LYPD6: variants seen among roughly 807,000 people sequenced by gnomAD.
LYPD6 encodes the protein LY6/PLAUR domain containing 6, also known as ly6/PLAUR domain-containing protein 6.
A neutral mutation model predicts 22.7 loss-of-function variants in LYPD6; 15 were observed. That is an observed-to-expected ratio of 0.66 (90% CI 0.44 to 1.02). The LOEUF (loss-of-function observed/expected upper bound fraction) is 1.02, where lower values mean the gene tolerates loss of function less well. Ranked by LOEUF, LYPD6 falls within the 50% of genes least tolerant of loss-of-function variation. The pLI is 0.00. For synonymous variants in LYPD6, 72 were observed against 77.5 expected (o/e 0.93, Z 0.37); for missense variants, 189 against 208.4 (o/e 0.91, Z 0.57).
rs571685232 is a variant in LYPD6 at position 149,363,166 on chromosome 2, A to C, written c.-72+32444A>C. ...GTATGTTCTGAACCCCATCAACAGC[A>C]CTTACATGTAACATGCAGTTGGGCT... On this transcript the variant is annotated intron_variant, in intron 1 of 4. Coordinates refer to ENST00000334166, the MANE Select transcript of LYPD6 (RefSeq NM_194317.5). Among the ~76,000 whole-genome samples, 13 of 152,244 alleles carry C rather than the reference A, an allele frequency of 8.5e-5. No homozygotes were observed. The East Asian group carries it at 1.5e-3, about 18-fold the overall frequency.
intron 1 of LYPD6, among the ~76,000 whole-genome samples, chr2:149,390,413 G>A (rs972250154): frequency 6.6e-6 from 1 of 152,208 alleles, no homozygotes; most frequent in Non-Finnish European, 1.5e-5. Context: ...TAGGGGATAT[G>A]GGGAGGCCTG....
chr2:149,344,552 A>G (rs1359379513), intron 1 of LYPD6, among the ~76,000 whole-genome samples: 3 of 152,264 alleles, frequency 2.0e-5, no homozygotes, highest in East Asian at 1.9e-4. Context: ...GAGCTGTAAC[A>G]TAAAGATGAA....
At chr2:149,335,250 G>A (rs533532825) in intron 1 of LYPD6, among the ~76,000 whole-genome samples, 8 of 152,176 alleles carry the variant, frequency 5.3e-5, no homozygotes, top group African/African-American at 1.9e-4. Context: ...TATTGCCCCT[G>A]AAGACCTTCC....
At chr2:149,384,782 G>A (rs1682144180) in intron 1 of LYPD6, among the ~76,000 whole-genome samples, 1 of 151,898 alleles carries the variant, frequency 6.6e-6, no homozygotes, top group Non-Finnish European at 1.5e-5. Context: ...ACAGTGTGCA[G>A]GTTAGTTACA....
the LYPD6 span, among the ~76,000 whole-genome samples, chr2:149,481,986 C>G: frequency 2.0e-5 from 3 of 152,168 alleles, no homozygotes; most frequent in Non-Finnish European, 4.4e-5. Context: ...GAGCCTGGTT[C>G]CCAGCTGTGG....
At chr2:149,333,902 C>T (rs1277743059) in intron 1 of LYPD6, among the ~76,000 whole-genome samples, 1 of 151,906 alleles carries the variant, frequency 6.6e-6, no homozygotes, top group East Asian at 1.9e-4. Context: ...AGAGGGGACT[C>T]CAAAGAAGGA....
intron 1 of LYPD6, among the ~76,000 whole-genome samples, chr2:149,392,198 T>C: frequency 6.6e-6 from 1 of 152,134 alleles, no homozygotes; most frequent in Non-Finnish European, 1.5e-5. Context: ...TCTCCTGAAC[T>C]CATCTAACCC....
chr2:149,352,577 A>G (rs1681378117), intron 1 of LYPD6, among the ~76,000 whole-genome samples: 1 of 152,200 alleles, frequency 6.6e-6, no homozygotes, highest in South Asian at 2.1e-4. Context: ...TCATACTGGT[A>G]GAGCAGGGGT....
intron 1 of LYPD6, among the ~76,000 whole-genome samples, chr2:149,371,501 G>A (rs1681808744): frequency 6.6e-6 from 1 of 152,190 alleles, no homozygotes. Flanking sequence ...AAAGAGGATG[G>A]GATGATGGTG....
intron 3 of LYPD6, chr2:149,464,061 T>G (rs751900629): frequency 3.0e-5 from 12 of 403,296 alleles, no homozygotes; most frequent in African/African-American, 2.6e-4. Flanking sequence ...ATTATTAATA[T>G]TCCTTACAAA....
intron 2 of LYPD6, among the ~76,000 whole-genome samples, chr2:149,442,833 G>A (rs538249974): frequency 6.6e-6 from 1 of 152,142 alleles, no homozygotes; most frequent in African/African-American, 2.4e-5. Context: ...ATTAATCAGG[G>A]TGTGATTATT....
intron 1 of LYPD6, among the ~76,000 whole-genome samples, chr2:149,421,634 G>A (rs772913189): frequency 4.6e-5 from 7 of 151,936 alleles, no homozygotes; most frequent in South Asian, 2.1e-4. Flanking sequence ...CTCAATAAAC[G>A]TTAATTGTTG....
rs190041015 is a variant in LYPD6 at position 149,404,061 on chromosome 2, C to G, written c.-71-33577C>G. The stretch of plus-strand genomic sequence containing the variant: ...TAGTTGTAGATATGCGCCATTATTT[C>G]TGAAGGCTCTGTTCTGTTCCATTGA... On this transcript the variant is annotated intron_variant, in intron 1 of 4. Coordinates refer to ENST00000334166, the MANE Select transcript of LYPD6 (RefSeq NM_194317.5). Among the ~76,000 whole-genome samples the G allele has an allele frequency of 7.2e-5, 11 of 152,226 alleles. No individual in the cohort carries two copies. In the East Asian group the frequency reaches 2.1e-3, roughly 29 times the overall value.
intron 1 of LYPD6, among the ~76,000 whole-genome samples, chr2:149,424,844 C>A (rs921014176): frequency 6.6e-6 from 1 of 152,124 alleles, no homozygotes; most frequent in Non-Finnish European, 1.5e-5. Flanking sequence ...TACCCAGAAC[C>A]GATGCTTCTC....
At position 149,437,773 on chromosome 2, in the gene LYPD6, C is replaced by G. The variant is rs1288096537; in HGVS notation, c.65C>G (p.Ala22Gly). ...AGCCTGCTGGCGGATTGTCTGAAAGCTGCTCAGTCCCGAGACTTCACAGTG... is the reference window on the plus strand; with the variant it reads ...AGCCTGCTGGCGGATTGTCTGAAAGGTGCTCAGTCCCGAGACTTCACAGTG... ...LLSLLADCLK[A>G]AQSRDFTVKD... Residue 22 changes from alanine to glycine, a missense_variant, in exon 2 of 5, where the codon GCT (alanine) becomes GGT (glycine). Coordinates refer to ENST00000334166, the MANE Select transcript of LYPD6 (RefSeq NM_194317.5). 1.9e-6 allele frequency: 3 copies of G among 1,614,208 alleles called. No individual in the cohort carries two copies. The highest frequency in any genetic ancestry group is 4.5e-5 in the East Asian group (2 of 44,872).
At chr2:149,412,031 T>C (rs564889695) in intron 1 of LYPD6, among the ~76,000 whole-genome samples, 1 of 152,328 alleles carries the variant, frequency 6.6e-6, no homozygotes, top group East Asian at 1.9e-4. Flanking sequence ...TACCTCCTAT[T>C]ATCAGGTATT....
At chr2:149,432,921 A>G (rs1683349542) in intron 1 of LYPD6, among the ~76,000 whole-genome samples, 1 of 152,202 alleles carries the variant, frequency 6.6e-6, no homozygotes. Flanking sequence ...AGTCTGTCAA[A>G]CTCATTCTTT....
At chr2:149,392,418 C>T (rs1682331664) in intron 1 of LYPD6, among the ~76,000 whole-genome samples, 1 of 152,128 alleles carries the variant, frequency 6.6e-6, no homozygotes, top group Non-Finnish European at 1.5e-5. Context: ...TTATAGAAAA[C>T]AATGTCTCAG....
intron 1 of LYPD6, among the ~76,000 whole-genome samples, chr2:149,373,163 T>C (rs944539123): frequency 6.6e-6 from 1 of 151,958 alleles, no homozygotes; most frequent in African/African-American, 2.4e-5. Flanking sequence ...GGAGAAGGTG[T>C]TGAGGGTGAC....
Sources: allele counts gnomAD v4.1 joint callset (sites outside exome capture counted in the v4.1 genomes callset), GRCh38; gene constraint gnomAD v4.1.1; transcripts MANE v1.5; gene names NCBI Gene and HGNC (gene_info 2026-07-23, HGNC 2026-07-21).